GALNT14: variants seen among roughly 807,000 people sequenced by gnomAD.
GALNT14 encodes polypeptide N-acetylgalactosaminyltransferase 14.
Under a neutral mutation model 77.5 loss-of-function variants are expected in GALNT14, and 60 were observed. The observed-to-expected ratio is 0.77, with a 90% CI of 0.63 to 0.96. The LOEUF (loss-of-function observed/expected upper bound fraction) is 0.96. Ranked by LOEUF, GALNT14 falls within the 40% of genes least tolerant of loss-of-function variation. The pLI is 0.00. For missense variants in GALNT14, 710 were observed against 731.0 expected, an observed-to-expected ratio of 0.97 and a Z score of 0.33; for synonymous variants, 280 against 281.7, an observed-to-expected ratio of 0.99 and a Z score of 0.06.
Position 31,117,081 on chromosome 2 carries a change from CATATGT to C in GALNT14, c.129+20871_129+20876del, listed in dbSNP as rs1678143006. ...AAAAGAATATTCAGGGGCTTTCTTT[CATATGT>C]CCAAAAGACACTTTAAATATTGATT... On this transcript the variant is annotated intron_variant, in intron 1 of 14. Coordinates refer to ENST00000349752, the MANE Select transcript of GALNT14 (RefSeq NM_024572.4). 2.6e-5 allele frequency among the ~76,000 whole-genome samples: 4 copies of C among 152,112 alleles called. No individual in the cohort carries two copies. In the South Asian group the frequency reaches 8.3e-4, roughly 32 times the overall value.
At chr2:30,889,632 T>G in the GALNT14 span, among the ~76,000 whole-genome samples, 2 of 152,242 alleles carry the variant, frequency 1.3e-5, no homozygotes, top group Non-Finnish European at 2.9e-5. Flanking sequence ...AGGTGCAGGT[T>G]ATGCCAGCGA....
At chr2:31,113,072 A>G (rs890436775) in intron 1 of GALNT14, among the ~76,000 whole-genome samples, 1 of 152,262 alleles carries the variant, frequency 6.6e-6, no homozygotes, top group Non-Finnish European at 1.5e-5. Flanking sequence ...AATGCAAGAT[A>G]GAAACCTTCT....
chr2:30,924,337 G>T (rs1665222981), intron 12 of GALNT14, 74 bp from the exon 13 acceptor site: 2 of 1,520,894 alleles, frequency 1.3e-6, no homozygotes, highest in South Asian at 2.3e-5. Context: ...TGGAGAGGGT[G>T]GGCAGTGTTC....
intron 1 of GALNT14, among the ~76,000 whole-genome samples, chr2:31,120,564 C>CA (rs1286543735): frequency 6.6e-6 from 1 of 151,986 alleles, no homozygotes; most frequent in East Asian, 1.9e-4. Context: ...ACCATGAACA[C>CA]ATTTTTTTTT....
Position 30,912,310 on chromosome 2 carries a change from G to C in GALNT14, c.1413C>G (p.Leu471=), listed in dbSNP as rs1664416076. ...VWAFTYTQQI[L]QEELCLSVIT... Reference sequence around the variant, plus strand: ...TGACTGACAGGCACAGCTCCTCCTGGAGGATCTGCTGGGTGTATGTGAAGG... The same window carrying C: ...TGACTGACAGGCACAGCTCCTCCTGCAGGATCTGCTGGGTGTATGTGAAGG... Residue 471 remains leucine (L), a synonymous_variant, in exon 14 of 15, where the codon CTC becomes CTG. Transcript: ENST00000349752. The C allele has an allele frequency of 1.2e-6, 2 of 1,614,048 alleles. No individual in the cohort carries two copies. Among genetic ancestry groups the C allele is most frequent in the South Asian group, 1.1e-5 (1 of 91,082 alleles).
chr2:31,005,222 CAATTTTAGCTGGACAGA>C (rs1165535780), intron 1 of GALNT14, among the ~76,000 whole-genome samples: 1 of 152,126 alleles, frequency 6.6e-6, no homozygotes, highest in African/African-American at 2.4e-5. Context: ...GTTTTCAACC[CAATTTTAGCTGGACAGA>C]AATGCAGCCC....
intron 1 of GALNT14, among the ~76,000 whole-genome samples, chr2:31,077,672 T>G (rs1023191952): frequency 1.3e-5 from 2 of 152,194 alleles, no homozygotes; most frequent in Admixed American, 1.3e-4. Flanking sequence ...CCTTTCGGAA[T>G]CCCCAGAAAT....
At chr2:31,024,484 G>T (rs906731909) in intron 1 of GALNT14, among the ~76,000 whole-genome samples, 1 of 152,030 alleles carries the variant, frequency 6.6e-6, no homozygotes, top group East Asian at 1.9e-4. Context: ...CAGGCCAGCC[G>T]AGCTGCCACC....
At chr2:30,988,003 T>C in intron 2 of GALNT14, among the ~76,000 whole-genome samples, 1 of 152,178 alleles carries the variant, frequency 6.6e-6, no homozygotes, top group East Asian at 1.9e-4. Context: ...GAAAAGCATT[T>C]TTCCTTTAAC....
intron 1 of GALNT14, among the ~76,000 whole-genome samples, chr2:31,011,421 G>T (rs150968560): frequency 6.6e-6 from 1 of 152,092 alleles, no homozygotes; most frequent in Admixed American, 6.5e-5. Flanking sequence ...CTGCTCACTG[G>T]GTCTCTGGTT....
At chr2:31,082,805 G>A (rs1163614465) in intron 1 of GALNT14, among the ~76,000 whole-genome samples, 1 of 152,112 alleles carries the variant, frequency 6.6e-6, no homozygotes, top group Non-Finnish European at 1.5e-5. Context: ...GGATCATGAG[G>A]TCAAAAGACC....
At chr2:30,905,285 C>T in the GALNT14 span, among the ~76,000 whole-genome samples, 3 of 151,866 alleles carry the variant, frequency 2.0e-5, no homozygotes, top group African/African-American at 7.3e-5. Context: ...GACATTCAAA[C>T]CAAAGGCAAA....
intron 1 of GALNT14, among the ~76,000 whole-genome samples, chr2:31,082,862 A>T (rs947962422): frequency 5.3e-5 from 8 of 152,108 alleles, no homozygotes; most frequent in African/African-American, 1.9e-4. Context: ...TACTAAATAT[A>T]CAAAAATTAG....
chr2:30,924,057 G>T, intron 13 of GALNT14, 62 bp downstream of exon 13: 1 of 1,573,228 alleles, frequency 6.4e-7, no homozygotes, highest in Non-Finnish European at 8.7e-7. Flanking sequence ...TGGAGGCAGA[G>T]TCATCTGGCT....
At chr2:30,995,319 T>C (rs1461699802) in intron 1 of GALNT14, among the ~76,000 whole-genome samples, 4 of 152,166 alleles carry the variant, frequency 2.6e-5, no homozygotes, top group Non-Finnish European at 5.9e-5. Context: ...GATACACACA[T>C]ACTTACCATT....
At chr2:30,895,670 AG>A in the GALNT14 span, among the ~76,000 whole-genome samples, 1 of 152,028 alleles carries the variant, frequency 6.6e-6, no homozygotes, top group Non-Finnish European at 1.5e-5. Flanking sequence ...CTCACAACTC[AG>A]CCCTCCAATT....
chr2:31,111,161 G>A (rs1484997423), intron 1 of GALNT14, among the ~76,000 whole-genome samples: 1 of 152,162 alleles, frequency 6.6e-6, no homozygotes, highest in East Asian at 1.9e-4. Flanking sequence ...GACTACCCAG[G>A]ATGCAGATGG....
chr2:30,990,730 C>T (rs1669644952), intron 2 of GALNT14, among the ~76,000 whole-genome samples: 1 of 152,194 alleles, frequency 6.6e-6, no homozygotes, highest in African/African-American at 2.4e-5. Flanking sequence ...CCTGACCTTT[C>T]CTTTTCATGC....
chr2:31,018,801 T>G (rs1332247440), intron 1 of GALNT14, among the ~76,000 whole-genome samples: 1 of 152,206 alleles, frequency 6.6e-6, no homozygotes, highest in Non-Finnish European at 1.5e-5. Context: ...CTAATTTTAC[T>G]CAGCACACGG....
Sources: gnomAD v4.1 joint callset for allele counts (sites outside exome capture counted in the v4.1 genomes callset) on GRCh38, gnomAD v4.1.1 for gene constraint, MANE v1.5 for transcripts, NCBI Gene and HGNC (gene_info 2026-07-23, HGNC 2026-07-21) for gene names.